The following GAB4 variants were observed in gnomAD, a reference collection of about 807,000 sequenced individuals.
GAB4 encodes the protein GRB2-associated-binding protein 4.
A neutral mutation model predicts 51.3 loss-of-function variants in GAB4; 26 were observed. The observed-to-expected ratio is 0.51, with a 90% confidence interval of 0.37 to 0.70. The LOEUF is 0.70. Ranked by LOEUF, GAB4 falls within the 30% of genes least tolerant of loss-of-function variation. The pLI, the probability that GAB4 is intolerant of heterozygous loss-of-function variation, is 0.00. For missense variants in GAB4, 759 were observed against 734.6 expected (o/e 1.03, Z -0.38); for synonymous variants, 329 against 291.2 (o/e 1.13, Z -1.32).
chr22:16,966,195 G>C lies in GAB4; in HGVS notation c.1193C>G (p.Ser398Cys). 1 of 1,614,086 alleles carries C rather than the reference G, an allele frequency of 6.2e-7. No individual in the cohort carries two copies. Among genetic ancestry groups the C allele is most frequent in the Non-Finnish European group, 8.5e-7 (1 of 1,180,012 alleles). Residue 398 changes from serine to cysteine, a missense_variant, in exon 6 of 10, where the codon TCC becomes TGC. Physicochemically the swap from Ser to Cys is moderately radical, Grantham distance 112 (BLOSUM62 -1). Transcript: ENST00000400588. ...GTGCATAGAAAGCTCTGTGAGTGGG[G>C]AGCCAAGCAGGTCAAAGCGAACAAG... is the stretch of plus-strand genomic sequence containing the variant. ...SCLVRFDLLG[S>C]PLTELSMHQD...
chr22:16,991,544 A>C (rs749751211), intron 2 of GAB4, among the ~76,000 whole-genome samples: 11 of 152,136 alleles, frequency 7.2e-5, no homozygotes, highest in Non-Finnish European at 1.3e-4. Context: ...AAACAAACCC[A>C]CCAAGGGTCA....
chr22:16,983,820 G>A (rs1338064330), intron 3 of GAB4, among the ~76,000 whole-genome samples: 1 of 152,166 alleles, frequency 6.6e-6, no homozygotes, highest in African/African-American at 2.4e-5. Flanking sequence ...GATTGAACAT[G>A]TAAATATAAG....
At chr22:16,973,854 T>C (rs958924615) in intron 3 of GAB4, among the ~76,000 whole-genome samples, 7 of 152,146 alleles carry the variant, frequency 4.6e-5, no homozygotes, top group African/African-American at 1.7e-4. Flanking sequence ...CTGTCTTGTG[T>C]TGGTTTCTGG....
rs2060662241 is a variant in GAB4 at position 16,965,206 on chromosome 22, G to A, written c.1351C>T (p.Pro451Ser). ...RVINELSFKP[P>S]VTEPWSGTSH... The stretch of plus-strand genomic sequence containing the variant: ...GTCCCAGACCAGGGCTCTGTGACAG[G>A]TGGCTTGAAGGAGAGCTCATTGATG... The change falls in exon 7 of 10, where the codon CCT (proline) becomes TCT (serine). Residue 451 changes from proline (P) to serine (S), a missense_variant. Pro to Ser is a moderately conservative substitution (Grantham distance 74). This residue lies in a region of GAB4 where 588 missense variants were observed against 510.2 expected (regional missense o/e 1.15). Coordinates refer to ENST00000400588, the MANE Select transcript of GAB4 (RefSeq NM_001037814.1). 15 of 1,614,006 alleles carry A rather than the reference G, an allele frequency of 9.3e-6. No homozygotes were observed. The highest frequency in any genetic ancestry group is 1.3e-5 in the Non-Finnish European group (15 of 1,179,918).
chr22:16,965,998 G>T, intron 6 of GAB4, 102 bp downstream of exon 6: 1 of 1,072,048 alleles, frequency 9.3e-7, no homozygotes, highest in Non-Finnish European at 1.4e-6. Flanking sequence ...GAATTCACAT[G>T]ACTTGCCAAA....
Position 16,975,703 on chromosome 22 carries a change from C to G in GAB4, c.687-5510G>C, listed in dbSNP as rs572308230. On this transcript the variant is annotated intron_variant, in intron 3 of 9. Coordinates refer to ENST00000400588, the MANE Select transcript of GAB4 (RefSeq NM_001037814.1). ...CCTCAAGCAGGTCCCTGACCCCTGT[C>G]CCTCCTGACTGGAGAAACCTCCCAG... Among the ~76,000 whole-genome samples, 9 of 152,368 alleles carry G rather than the reference C, an allele frequency of 5.9e-5. No individual in the cohort carries two copies. The East Asian group carries it at 1.5e-3, about 26-fold the overall frequency.
intron 3 of GAB4, among the ~76,000 whole-genome samples, chr22:16,985,837 A>G (rs963438950): frequency 3.3e-5 from 5 of 152,244 alleles, no homozygotes; most frequent in Non-Finnish European, 7.3e-5. Context: ...ATGTACTGAT[A>G]AAGACATACT....
At chr22:16,977,352 A>G (rs1569098013) in intron 3 of GAB4, among the ~76,000 whole-genome samples, 1 of 151,964 alleles carries the variant, frequency 6.6e-6, no homozygotes, top group Non-Finnish European at 1.5e-5. Context: ...GGAAAGCAAA[A>G]AAAAAAAAAG....
chr22:16,963,600 A>C, intron 9 of GAB4, 125 bp downstream of exon 9: 1 of 700,756 alleles, frequency 1.4e-6, no homozygotes, highest in South Asian at 1.6e-5. Flanking sequence ...TGAGCATAAG[A>C]GCCAGGCACT....
Position 16,966,278 on chromosome 22 carries a change from C to T in GAB4, c.1110G>A (p.Pro370=), listed in dbSNP as rs781676296. 4.3e-6 allele frequency: 7 copies of T among 1,613,706 alleles called. No homozygotes were observed. The highest frequency in any genetic ancestry group is 4.5e-5 in the East Asian group (2 of 44,876). The change falls in exon 6 of 10, where the codon CCG becomes CCA. Residue 370 remains proline, a synonymous_variant. Coordinates refer to ENST00000400588, the MANE Select transcript of GAB4 (RefSeq NM_001037814.1). ...AATCATCGCCTGCTTGCTTCACAGC[C>T]GGCAGGGTAGGGGAGCCTGGGTTCA... ...VPMNPGSPTL[P]AVKQAGDDSQ... is the part of the protein sequence containing the mutation.
At chr22:16,981,874 GATTC>G (rs2060830041) in intron 3 of GAB4, among the ~76,000 whole-genome samples, 1 of 152,170 alleles carries the variant, frequency 6.6e-6, no homozygotes, top group African/African-American at 2.4e-5. Flanking sequence ...GATCAAGTGA[GATTC>G]ATTTCAGGGA....
chr22:16,986,201 G>A (rs1029068063), intron 3 of GAB4, among the ~76,000 whole-genome samples: 5 of 152,192 alleles, frequency 3.3e-5, no homozygotes, highest in African/African-American at 1.2e-4. Context: ...CTGCAGATGA[G>A]CTGCACTGGT....
rs759743210 is a variant in GAB4 at position 17,008,094 on chromosome 22, T to G, written c.21A>C (p.Ser7=). ...CAGGTGGGCACAGCTCCCGGGAGGG[T>G]GAGGGGGACGGCAGGGACATGGGGG... MSLPSP[S]PSRELCPPDP... is the part of the protein sequence containing the mutation. The change falls in exon 1 of 10, where the codon TCA becomes TCC. Residue 7 remains serine (S), a synonymous_variant. Transcript: ENST00000400588. The G allele has an allele frequency of 3.7e-6, 6 of 1,600,196 alleles. No homozygotes were observed. Among genetic ancestry groups the G allele is most frequent in the South Asian group, 2.2e-5 (2 of 89,296 alleles).
chr22:16,997,742 T>C (rs774471164), intron 1 of GAB4, among the ~76,000 whole-genome samples: 1 of 152,182 alleles, frequency 6.6e-6, no homozygotes, highest in South Asian at 2.1e-4. Flanking sequence ...CTGAATGGGA[T>C]TGCCTAGGTT....
At chr22:16,992,749 T>A (rs2060923951) in intron 1 of GAB4, among the ~76,000 whole-genome samples, 1 of 152,182 alleles carries the variant, frequency 6.6e-6, no homozygotes, top group Non-Finnish European at 1.5e-5. Flanking sequence ...GACACAGTCT[T>A]ACTCTGTCAC....
chr22:16,974,150 T>G (rs958770958), intron 3 of GAB4, among the ~76,000 whole-genome samples: 6 of 152,220 alleles, frequency 3.9e-5, no homozygotes, highest in Admixed American at 2.0e-4. Flanking sequence ...GAGGACTCCA[T>G]TACTGCCATG....
chr22:16,969,155 T>A (rs1370991202), intron 4 of GAB4, among the ~76,000 whole-genome samples: 1 of 152,242 alleles, frequency 6.6e-6, no homozygotes, highest in African/African-American at 2.4e-5. Context: ...GTATTTCAAA[T>A]ACAAGTTTAG....
rs184558750 is a variant in GAB4 at position 16,971,704 on chromosome 22, G to A, written c.687-1511C>T. Among the ~76,000 whole-genome samples the A allele has an allele frequency of 3.0e-3, 451 of 152,306 alleles. 3 individuals are homozygous for A. Among genetic ancestry groups the A allele is most frequent in the African/African-American group, 0.011 (440 of 41,576 alleles). On this transcript the variant is annotated intron_variant, in intron 3 of 9. Transcript: ENST00000400588. ...TTGCATGCGGTTTCTAGGGGTCACA[G>A]CCCTCTGAGACCAATCCATGGAACT... is the stretch of plus-strand genomic sequence containing the variant.
intron 1 of GAB4, among the ~76,000 whole-genome samples, chr22:17,007,119 A>G (rs1457261891): frequency 6.6e-6 from 1 of 152,190 alleles, no homozygotes; most frequent in Non-Finnish European, 1.5e-5. Context: ...ATTCTGGAAT[A>G]GATTCTTGAA....
Sources: gnomAD v4.1 joint callset for allele counts (sites outside exome capture counted in the v4.1 genomes callset) on GRCh38, gnomAD v4.1.1 for gene constraint, gnomAD v4.1.1 regional missense constraint, MANE v1.5 for transcripts, NCBI Gene and HGNC (gene_info 2026-07-23, HGNC 2026-07-21) for gene names.